The following ARSB variants were observed in gnomAD, a reference collection of about 807,000 sequenced individuals.
The protein encoded by ARSB is arylsulfatase B, also known as N-acetylgalactosamine-4-sulfatase.
A neutral mutation model predicts 50.9 loss-of-function variants in ARSB; 41 were observed. The ratio of observed to expected loss-of-function variants is 0.81; its 90% CI spans 0.63 to 1.04. The LOEUF (loss-of-function observed/expected upper bound fraction) is 1.04. Ranked by LOEUF, ARSB falls within the 50% of genes least tolerant of loss-of-function variation. ARSB has a pLI of 0.00. For synonymous variants in ARSB, 269 were observed against 284.8 expected, an observed-to-expected ratio of 0.94 and a Z score of 0.56; for missense variants, 672 against 693.3, an observed-to-expected ratio of 0.97 and a Z score of 0.35.
chr5:78,928,651 G>A (rs971170994), intron 4 of ARSB, among the ~76,000 whole-genome samples: 1 of 152,064 alleles, frequency 6.6e-6, no homozygotes, highest in Non-Finnish European at 1.5e-5. Context: ...GAATAAAGTT[G>A]ATCTCCTTTA....
chr5:78,964,775 C>T (rs1752136345), intron 2 of ARSB, among the ~76,000 whole-genome samples, 169 bp from the exon 3 acceptor site: 1 of 152,142 alleles, frequency 6.6e-6, no homozygotes, highest in South Asian at 2.1e-4. Context: ...TGGCAGAAGG[C>T]ATTAAAACAT....
Position 78,782,477 on chromosome 5 carries a change from A to C in ARSB, c.1214-503T>G, listed in dbSNP as rs955978894. On this transcript the variant is annotated intron_variant, in intron 6 of 7. Transcript: ENST00000264914. The stretch of plus-strand genomic sequence containing the variant: ...TTTAACAACTCTTAAGGAATCTAAA[A>C]GTGAGCAGTGCTCAGTTAACTATTC... 9.2e-5 allele frequency among the ~76,000 whole-genome samples: 14 copies of C among 152,260 alleles called. No individual in the cohort carries two copies. In the East Asian group the frequency reaches 2.7e-3, roughly 29 times the overall value.
intron 6 of ARSB, among the ~76,000 whole-genome samples, chr5:78,791,131 T>C (rs1236321013): frequency 1.3e-5 from 2 of 152,232 alleles, no homozygotes; most frequent in Non-Finnish European, 2.9e-5. Context: ...CACTTAATGA[T>C]GTATGCATAT....
intron 5 of ARSB, among the ~76,000 whole-genome samples, chr5:78,853,919 A>C (rs1056408921): frequency 5.3e-5 from 8 of 152,248 alleles, no homozygotes; most frequent in Non-Finnish European, 1.2e-4. Flanking sequence ...GGAAAAGTGC[A>C]GTATTAGGGT....
intron 5 of ARSB, among the ~76,000 whole-genome samples, chr5:78,851,599 A>C (rs982513012): frequency 2.0e-5 from 3 of 152,080 alleles, no homozygotes; most frequent in Admixed American, 6.6e-5. Flanking sequence ...AGCTGAGTTC[A>C]ATTCCTGGGT....
intron 4 of ARSB, among the ~76,000 whole-genome samples, chr5:78,900,385 G>T (rs1478679352): frequency 6.6e-6 from 1 of 152,136 alleles, no homozygotes; most frequent in African/African-American, 2.4e-5. Flanking sequence ...GCAGGGACAG[G>T]ACTCCTGCTA....
chr5:78,959,681 T>C (rs138524040), intron 3 of ARSB, among the ~76,000 whole-genome samples: 61 of 152,310 alleles, frequency 4.0e-4, no homozygotes, highest in African/African-American at 1.4e-3. Flanking sequence ...TTCCATCCCA[T>C]ACTACAAAAA....
intron 6 of ARSB, among the ~76,000 whole-genome samples, chr5:78,820,921 C>A (rs1744189980): frequency 1.4e-5 from 2 of 146,750 alleles, no homozygotes; most frequent in African/African-American, 5.1e-5. Context: ...AGATCATTGA[C>A]AGAAAAAAGT....
chr5:78,811,893 A>C (rs900753992), intron 6 of ARSB, among the ~76,000 whole-genome samples: 5 of 152,232 alleles, frequency 3.3e-5, no homozygotes, highest in Non-Finnish European at 5.9e-5. Flanking sequence ...TTATAAAGGC[A>C]GATGAAAAAG....
chr5:78,942,441 C>A (rs1750984611), intron 4 of ARSB, among the ~76,000 whole-genome samples: 1 of 152,210 alleles, frequency 6.6e-6, no homozygotes, highest in Non-Finnish European at 1.5e-5. Flanking sequence ...TTTCCCTCTA[C>A]ACACTGCTTT....
At chr5:78,956,327 A>G (rs1004867134) in intron 3 of ARSB, among the ~76,000 whole-genome samples, 1 of 152,214 alleles carries the variant, frequency 6.6e-6, no homozygotes, top group Non-Finnish European at 1.5e-5. Context: ...GCAAATCTAT[A>G]GAGACAGAGG....
intron 3 of ARSB, among the ~76,000 whole-genome samples, chr5:78,962,359 T>C (rs1752023630): frequency 6.6e-6 from 1 of 152,210 alleles, no homozygotes; most frequent in South Asian, 2.1e-4. Flanking sequence ...GATTTAAATT[T>C]AAAATCTGTG....
Position 78,780,380 on chromosome 5 carries a change from CT to C in ARSB, c.*16del. The C allele has an allele frequency of 6.2e-7, 1 of 1,613,630 alleles. No individual in the cohort carries two copies. Among genetic ancestry groups the C allele is most frequent in the South Asian group, 1.1e-5 (1 of 91,054 alleles). ...GTCCAACTTCCAATTGAAAGGTTTTCTAGCCTCCCTGAAATCCTACATCCAA... is the reference window on the plus strand; with the variant it reads ...GTCCAACTTCCAATTGAAAGGTTTTCAGCCTCCCTGAAATCCTACATCCAA... On this transcript the variant is annotated 3_prime_UTR_variant, in exon 8 of 8. Coordinates refer to ENST00000264914, the MANE Select transcript of ARSB (RefSeq NM_000046.5).
intron 5 of ARSB, among the ~76,000 whole-genome samples, chr5:78,872,925 C>T (rs1337371173): frequency 2.0e-5 from 3 of 151,946 alleles, no homozygotes; most frequent in Non-Finnish European, 4.4e-5. Context: ...GTGTCCAAAT[C>T]CCACTCCTAC....
intron 4 of ARSB, among the ~76,000 whole-genome samples, chr5:78,932,226 C>T (rs1750356555): frequency 6.6e-6 from 1 of 152,190 alleles, no homozygotes; most frequent in Non-Finnish European, 1.5e-5. Context: ...GGAATCCATT[C>T]CCAGGGGTAT....
At chr5:78,985,437 G>T, upstream of ARSB, 1 of 453,008 alleles carries the variant, frequency 2.2e-6, no homozygotes, top group Non-Finnish European at 3.4e-6. Flanking sequence ...TGCTGTGGCG[G>T]AGGAGGAGCC....
intron 4 of ARSB, among the ~76,000 whole-genome samples, chr5:78,905,910 C>CAAAAAAAAAA (rs57651882): frequency 2.1e-5 from 2 of 94,432 alleles, no homozygotes; most frequent in African/African-American, 4.2e-5. Context: ...AGCAAAGTAG[C>CAAAAAAAAAA]AAAAAAAAAA....
chr5:78,948,311 C>G (rs1006772549), intron 4 of ARSB, among the ~76,000 whole-genome samples: 1 of 152,000 alleles, frequency 6.6e-6, no homozygotes, highest in African/African-American at 2.4e-5. Flanking sequence ...GTTGGTAACA[C>G]AAAGAAATGA....
chr5:78,923,736 T>G (rs1749930679), intron 4 of ARSB, among the ~76,000 whole-genome samples: 1 of 152,224 alleles, frequency 6.6e-6, no homozygotes, highest in Non-Finnish European at 1.5e-5. Context: ...ATTGAGTCAT[T>G]AGCTCCTGCT....
Sources: allele counts gnomAD v4.1 joint callset (sites outside exome capture counted in the v4.1 genomes callset), GRCh38; gene constraint gnomAD v4.1.1; transcripts MANE v1.5; gene names NCBI Gene and HGNC (gene_info 2026-07-23, HGNC 2026-07-21).